Variants in P3H4 observed in about 807,000 individuals in gnomAD.
P3H4 encodes prolyl 3-hydroxylase family member 4 (inactive).
Under a neutral mutation model 52.9 loss-of-function variants are expected in P3H4, and 47 were observed. The ratio of observed to expected loss-of-function variants is 0.89; its 90% CI spans 0.70 to 1.13. P3H4 has a LOEUF of 1.13. Ranked by LOEUF, P3H4 falls within the 50% of genes most tolerant of loss-of-function variation. P3H4 has a pLI of 0.00. For synonymous variants in P3H4, 256 were observed against 267.9 expected (o/e 0.96, Z 0.44); for missense variants, 585 against 611.0 (o/e 0.96, Z 0.45).
At chr17:41,809,992 T>G (rs958949444) in intron 3 of P3H4, among the ~76,000 whole-genome samples, 158 bp from the exon 4 acceptor site, 4 of 151,898 alleles carry the variant, frequency 2.6e-5, no homozygotes, top group African/African-American at 9.7e-5. Context: ...GTCTGTAAAG[T>G]GCTTGGCATA....
In P3H4 at chr17:41,810,504, C is replaced by A. The variant is rs547090958; in HGVS notation, c.787+359G>T. Reference sequence around the variant, plus strand: ...GTCCTTTCTGCCCCTGCTCGAGGGACCCCAGGGTTAGAGATCCCAAGACTA... The same window carrying A: ...GTCCTTTCTGCCCCTGCTCGAGGGAACCCAGGGTTAGAGATCCCAAGACTA... On this transcript the variant is annotated intron_variant, in intron 3 of 7. Transcript: ENST00000393928. Among the ~76,000 whole-genome samples, 3 of 152,194 alleles carry A rather than the reference C, an allele frequency of 2.0e-5. No individual in the cohort carries two copies. The South Asian group carries it at 6.2e-4, about 32-fold the overall frequency.
chr17:41,810,755 C>T (rs113242375), intron 3 of P3H4, 108 bp downstream of exon 3: 123 of 1,370,154 alleles, frequency 9.0e-5, no homozygotes, highest in African/African-American at 7.1e-4. Context: ...GCCTTCCTCC[C>T]GGCTGGCTCC....
chr17:41,811,114 C>T lies in P3H4; in HGVS notation c.615+18G>A. ...ACTAGCCCTCCTCTACAAGCCTCCT[C>T]CTGACCCTCCACCCCACCTCGTAGG... On this transcript the variant is annotated intron_variant, in intron 2 of 7. Transcript: ENST00000393928. The surrounding 1 kb of genome is among the most constrained non-coding windows in gnomAD (Gnocchi z 4.8). The T allele has an allele frequency of 6.2e-7, 1 of 1,614,022 alleles. No homozygotes were observed. The highest frequency in any genetic ancestry group is 8.5e-7 in the Non-Finnish European group (1 of 1,179,912).
Position 41,811,684 on chromosome 17 carries a change from C to T in P3H4, c.232G>A (p.Ala78Thr). The T allele has an allele frequency of 6.9e-7, 1 of 1,445,050 alleles. No individual in the cohort carries two copies. The allele number at this position is 1,445,050 out of a possible 1,614,324, so 89.5% of individuals were successfully genotyped here. A position where few individuals can be genotyped will look rare whatever the true frequency, so the allele number is the denominator to read the frequency against. Residue 78 changes from alanine (A) to threonine (T), a missense_variant, in exon 1 of 8, where the codon GCC becomes ACC. Transcript: ENST00000393928. This position sits in a 1 kb window ranked among gnomAD's most constrained non-coding sequence, Gnocchi z 4.8. ...GCGGGCGCGGGGCCGCTGCAGTTGG[C>T]GTGGCAGAAGGCCTCGCTGTCGCGC... The part of the protein sequence containing the change: ...LLRDSEAFCH[A>T]NCSGPAPAAK...
chr17:41,810,974 C>CCG lies in P3H4; in HGVS notation c.675_676insCG (p.Asp226ArgfsTer37), dbSNP rs782807854. The CCG allele has an allele frequency of 2.5e-6, 4 of 1,614,200 alleles. No individual in the cohort carries two copies. The South Asian group carries it at 4.4e-5, about 18-fold the overall frequency. Reference sequence around the variant, plus strand: ...TACTCTGACAAGGCCCGCTCCATGTCCTCCGTGCTGCTGCGGAAATCCCCG... The same window carrying CCG: ...TACTCTGACAAGGCCCGCTCCATGTCCGCTCCGTGCTGCTGCGGAAATCCCCG... On this transcript the variant is annotated frameshift_variant, in exon 3 of 8. Transcript: ENST00000393928. LOFTEE classifies it high-confidence loss of function.
chr17:41,807,076 A>G, intron 5 of P3H4, 197 bp from the exon 6 acceptor site: 1 of 578,850 alleles, frequency 1.7e-6, no homozygotes, highest in Non-Finnish European at 3.1e-6. Flanking sequence ...TTTGGTGACA[A>G]AGAGTCCCTC....
chr17:41,803,106 G>A (rs2047635264), intron 7 of P3H4, 127 bp from the exon 8 acceptor site: 2 of 1,419,214 alleles, frequency 1.4e-6, no homozygotes, highest in Non-Finnish European at 1.9e-6. Context: ...CCAGCTCCAG[G>A]GGAGATGCTG....
intron 4 of P3H4, 107 bp from the exon 5 acceptor site, chr17:41,808,111 A>G: frequency 1.4e-6 from 2 of 1,383,322 alleles, no homozygotes; most frequent in Non-Finnish European, 2.0e-6. Flanking sequence ...CTCCCAGAAT[A>G]CCTAATGGGC....
At position 41,811,105 on chromosome 17, in the gene P3H4, A is replaced by T. The variant is rs369111283; in HGVS notation, c.615+27T>A. On this transcript the variant is annotated intron_variant, in intron 2 of 7. Coordinates refer to ENST00000393928, the MANE Select transcript of P3H4 (RefSeq NM_006455.3). The surrounding 1 kb of genome is among the most constrained non-coding windows in gnomAD (Gnocchi z 4.8). Reference sequence around the variant, plus strand: ...CCCTCCTCTACTAGCCCTCCTCTACAAGCCTCCTCCTGACCCTCCACCCCA... The same window carrying T: ...CCCTCCTCTACTAGCCCTCCTCTACTAGCCTCCTCCTGACCCTCCACCCCA... 6.2e-7 allele frequency: 1 copy of T among 1,613,378 alleles called. No homozygotes were observed. Among genetic ancestry groups the T allele is most frequent in the Non-Finnish European group, 8.5e-7 (1 of 1,179,538 alleles).
chr17:41,810,234 C>T (rs1459840528), intron 3 of P3H4, among the ~76,000 whole-genome samples: 3 of 140,916 alleles, frequency 2.1e-5, no homozygotes, highest in Non-Finnish European at 3.0e-5. Flanking sequence ...AGTGCAGTGG[C>T]GCGATCTGGG....
chr17:41,803,254 C>T, intron 7 of P3H4, 33 bp downstream of exon 7: 1 of 1,596,842 alleles, frequency 6.3e-7, no homozygotes, highest in South Asian at 1.1e-5. Flanking sequence ...TCCCAGGCTG[C>T]ATCCCCACCC....
Position 41,802,627 on chromosome 17 carries a change from C to T in P3H4, c.*330G>A, listed in dbSNP as rs1002053633. The T allele has an allele frequency of 6.8e-5, 20 of 293,984 alleles. No individual in the cohort carries two copies. The highest frequency in any genetic ancestry group is 1.3e-4 in the Non-Finnish European group (20 of 157,476). The allele number at this position is 293,984 out of a possible 1,614,324, so 18.2% of individuals were successfully genotyped here. On this transcript the variant is annotated 3_prime_UTR_variant, in exon 8 of 8. Coordinates refer to ENST00000393928, the MANE Select transcript of P3H4 (RefSeq NM_006455.3). Reference sequence around the variant, plus strand: ...AGTGCGGTGGCGCAATCTCAGTTCACTGCAACCTTTGCCTCCCAGGTTCAA... The same window carrying T: ...AGTGCGGTGGCGCAATCTCAGTTCATTGCAACCTTTGCCTCCCAGGTTCAA...
chr17:41,807,048 G>A, intron 5 of P3H4, 169 bp from the exon 6 acceptor site: 3 of 594,740 alleles, frequency 5.0e-6, no homozygotes, highest in South Asian at 2.1e-5. Flanking sequence ...TGGAACACTG[G>A]GTTAAGGATT....
At position 41,803,352 on chromosome 17, in the gene P3H4, T is replaced by C. The variant is rs1555613758; in HGVS notation, c.1226A>G (p.Tyr409Cys). ...SDAEFEGEGDYEEGMYADWWQ... is the reference protein window; with the variant it reads ...SDAEFEGEGDCEEGMYADWWQ... ...CCAGTCAGCATACATGCCCTCCTCG[T>C]AGTCACCCTCCCCCTCAAACTCGGC... is the stretch of plus-strand genomic sequence containing the variant. Residue 409 changes from tyrosine (Y) to cysteine (C), a missense_variant, in exon 7 of 8, where the codon TAC becomes TGC. Tyr to Cys is a radical substitution (Grantham distance 194). Coordinates refer to ENST00000393928, the MANE Select transcript of P3H4 (RefSeq NM_006455.3). 1 of 1,614,058 alleles carries C rather than the reference T, an allele frequency of 6.2e-7. No individual in the cohort carries two copies. The highest frequency in any genetic ancestry group is 1.7e-5 in the Admixed American group (1 of 59,994).
intron 3 of P3H4, 86 bp from the exon 4 acceptor site, chr17:41,809,920 T>G: frequency 6.0e-6 from 9 of 1,488,354 alleles, no homozygotes; most frequent in East Asian, 2.3e-5. Flanking sequence ...ATCCAATCTC[T>G]GCCTACTAAG....
intron 3 of P3H4, 147 bp from the exon 4 acceptor site, chr17:41,809,981 T>G (rs535118999): frequency 1.1e-6 from 1 of 941,604 alleles, no homozygotes; most frequent in East Asian, 2.6e-5. Context: ...CAGGAGAGAA[T>G]GTCTGTAAAG....
intron 6 of P3H4, among the ~76,000 whole-genome samples, chr17:41,805,489 T>C (rs2047664970): frequency 6.6e-6 from 1 of 151,114 alleles, no homozygotes. Flanking sequence ...CACACCTGAG[T>C]AATTTTTGTA....
chr17:41,807,426 C>G, intron 5 of P3H4: 1 of 157,452 alleles, frequency 6.4e-6, no homozygotes, highest in Non-Finnish European at 1.4e-5. Flanking sequence ...ACTCTAACCT[C>G]AACTCATATT....
rs187799806 is a variant in P3H4, at chr17:41,804,193, C to T, written c.1147-762G>A. Reference sequence around the variant, plus strand: ...GTCTCAATCTTCTGACCTCGTGATCCGCCCGCCTTGGCCTCCCAAAGTGCT... The same window carrying T: ...GTCTCAATCTTCTGACCTCGTGATCTGCCCGCCTTGGCCTCCCAAAGTGCT... On this transcript the variant is annotated intron_variant, in intron 6 of 7. Coordinates refer to ENST00000393928, the MANE Select transcript of P3H4 (RefSeq NM_006455.3). Among the ~76,000 whole-genome samples, 731 of 151,864 alleles carry T rather than the reference C, an allele frequency of 4.8e-3. 9 individuals carry two copies. The highest frequency in any genetic ancestry group is 0.017 in the African/African-American group (702 of 41,510).
Sources: allele counts gnomAD v4.1 joint callset (sites outside exome capture counted in the v4.1 genomes callset), GRCh38; gene constraint gnomAD v4.1.1; non-coding constraint Gnocchi (gnomAD v3.1); transcripts MANE v1.5; gene names NCBI Gene and HGNC (gene_info 2026-07-23, HGNC 2026-07-21).